Variants in NUP210L observed in about 807,000 individuals in gnomAD.
The protein encoded by NUP210L is nuclear pore membrane glycoprotein 210-like.
In NUP210L, 74 loss-of-function variants were observed where a neutral mutation model predicts 208.5. The ratio of observed to expected loss-of-function variants is 0.35; its 90% confidence interval spans 0.29 to 0.43. The LOEUF (loss-of-function observed/expected upper bound fraction) is 0.43. Ranked by LOEUF, NUP210L falls within the 20% of genes least tolerant of loss-of-function variation. NUP210L has a pLI of 1.00. For missense variants in NUP210L, 1,843 were observed against 2,289.4 expected (o/e 0.81, Z 3.98); for synonymous variants, 780 against 816.9 (o/e 0.95, Z 0.77).
rs548786019 is a variant in NUP210L at position 154,030,740 on chromosome 1, G to GT, written c.3697-687dup. Among the ~76,000 whole-genome samples the GT allele has an allele frequency of 4.7e-4, 70 of 149,902 alleles. No homozygotes were observed. In the South Asian group the frequency reaches 9.8e-3, roughly 21 times the overall value. The stretch of plus-strand genomic sequence containing the variant: ...ACACTTTAAGTTGAAACCTTTTTTG[G>GT]TTTTTTTTTGAGACAGGGTCTTGTC... On this transcript the variant is annotated intron_variant, in intron 27 of 39. Coordinates refer to ENST00000368559, the Ensembl canonical transcript of NUP210L.
intron 2 of NUP210L, 39 bp from the exon 3 acceptor site, chr1:154,143,616 G>A (rs747975928): frequency 8.4e-6 from 13 of 1,548,814 alleles, no homozygotes; most frequent in Admixed American, 5.5e-5. Context: ...AATTCAATAG[G>A]TCATGAATCT....
chr1:154,025,329 G>A (rs1557922706), intron 30 of NUP210L, among the ~76,000 whole-genome samples: 2 of 148,560 alleles, frequency 1.3e-5, no homozygotes, highest in African/African-American at 4.9e-5. Flanking sequence ...CTGACTCCCA[G>A]AGAGTTTCTT....
intron 35 of NUP210L, among the ~76,000 whole-genome samples, chr1:154,003,002 T>G (rs1056607126): frequency 6.7e-6 from 1 of 150,324 alleles, no homozygotes; most frequent in Admixed American, 6.7e-5. Context: ...GATTAATCCT[T>G]AGCTGTCTTT....
At chr1:154,057,045 C>T in intron 22 of NUP210L, 98 bp from the exon 23 acceptor site, 2 of 1,201,756 alleles carry the variant, frequency 1.7e-6, no homozygotes, top group Non-Finnish European at 2.4e-6. Flanking sequence ...GTGGCATGAT[C>T]TCAGCTCATT....
intron 10 of NUP210L, among the ~76,000 whole-genome samples, chr1:154,125,820 C>T (rs199958719): frequency 0.22 from 20,485 of 93,664 alleles, 2,705 homozygotes; most frequent in Admixed American, 0.39. Flanking sequence ...CAGGCTGGAG[C>T]GCAGTGGCGG....
At chr1:154,059,154 G>A (rs1330143069) in intron 20 of NUP210L, among the ~76,000 whole-genome samples, 1 of 152,118 alleles carries the variant, frequency 6.6e-6, no homozygotes, top group Non-Finnish European at 1.5e-5. Flanking sequence ...GGGCAACATG[G>A]TGAAACCCTG....
At chr1:154,006,836 A>ATC (rs1189814782) in intron 35 of NUP210L, among the ~76,000 whole-genome samples, 2 of 137,532 alleles carry the variant, frequency 1.5e-5, no homozygotes, top group Non-Finnish European at 1.5e-5. Flanking sequence ...ATATATATAT[A>ATC]TATATGTATA....
At chr1:154,144,704 A>G (rs1017808834) in intron 2 of NUP210L, among the ~76,000 whole-genome samples, 1 of 152,234 alleles carries the variant, frequency 6.6e-6, no homozygotes, top group African/African-American at 2.4e-5. Context: ...CATCCAAAAA[A>G]ACCAAAAAGC....
chr1:154,108,814 A>G (rs1656902446), intron 12 of NUP210L, among the ~76,000 whole-genome samples: 1 of 151,796 alleles, frequency 6.6e-6, no homozygotes, highest in African/African-American at 2.4e-5. Flanking sequence ...GATTTTTTTA[A>G]AAAAGGCTGA....
chr1:154,037,524 A>G (rs1652621993), intron 27 of NUP210L, among the ~76,000 whole-genome samples: 1 of 152,146 alleles, frequency 6.6e-6, no homozygotes, highest in Non-Finnish European at 1.5e-5. Context: ...GTGCCCATTA[A>G]CATGAAATAT....
chr1:154,083,057 A>T (rs963615379), intron 16 of NUP210L, among the ~76,000 whole-genome samples: 1 of 152,234 alleles, frequency 6.6e-6, no homozygotes, highest in Non-Finnish European at 1.5e-5. Flanking sequence ...CCCAAAGAGT[A>T]AGAAGCAGCA....
intron 29 of NUP210L, 68 bp downstream of exon 29, chr1:154,027,438 A>G (rs376091146): frequency 8.9e-5 from 99 of 1,114,770 alleles, no homozygotes; most frequent in East Asian, 5.9e-4. Flanking sequence ...TGTTCTTTCT[A>G]TGTCAATGTT....
intron 27 of NUP210L, among the ~76,000 whole-genome samples, chr1:154,043,591 C>A (rs1027690249): frequency 1.8e-4 from 26 of 148,398 alleles, no homozygotes; most frequent in Non-Finnish European, 3.6e-4. Context: ...CAAAGTGAGC[C>A]ACTGTGTAAT....
intron 17 of NUP210L, among the ~76,000 whole-genome samples, chr1:154,067,157 C>G (rs1303856964): frequency 6.6e-6 from 1 of 152,144 alleles, no homozygotes; most frequent in African/African-American, 2.4e-5. Flanking sequence ...GAATTTTAGA[C>G]CAATATCCCT....
chr1:154,106,446 C>T (rs930382500), intron 12 of NUP210L, among the ~76,000 whole-genome samples: 1 of 152,112 alleles, frequency 6.6e-6, no homozygotes, highest in Non-Finnish European at 1.5e-5. Context: ...CATCCTGAAA[C>T]GAAGGCCACA....
At chr1:154,145,547 T>C (rs1659076094) in intron 2 of NUP210L, among the ~76,000 whole-genome samples, 1 of 152,186 alleles carries the variant, frequency 6.6e-6, no homozygotes, top group East Asian at 1.9e-4. Flanking sequence ...CATGCTTCCT[T>C]TCAACAGAAA....
At chr1:154,119,576 G>A (rs1055800431) in intron 10 of NUP210L, among the ~76,000 whole-genome samples, 20 of 151,846 alleles carry the variant, frequency 1.3e-4, no homozygotes, top group Non-Finnish European at 1.0e-4. Context: ...CAACAATAGG[G>A]AAACCTGGTC....
chr1:154,058,483 C>T (rs957672650), intron 21 of NUP210L, 82 bp downstream of exon 21: 3 of 1,476,722 alleles, frequency 2.0e-6, no homozygotes, highest in Non-Finnish European at 2.8e-6. Context: ...CACACAGTAG[C>T]TGAGCAGAGA....
At chr1:154,137,773 T>C (rs1317859888) in intron 6 of NUP210L, among the ~76,000 whole-genome samples, 1 of 152,092 alleles carries the variant, frequency 6.6e-6, no homozygotes, top group African/African-American at 2.4e-5. Context: ...GTTGCCTAGA[T>C]TGGTCTCCAA....
Sources: gnomAD v4.1 joint callset for allele counts (sites outside exome capture counted in the v4.1 genomes callset) on GRCh38, gnomAD v4.1.1 for gene constraint, MANE v1.5 for transcripts, NCBI Gene and HGNC (gene_info 2026-07-23, HGNC 2026-07-21) for gene names.